Variants in GDAP2 observed in about 807,000 individuals in gnomAD.
GDAP2 encodes the protein ganglioside induced differentiation associated protein 2.
Under a neutral mutation model 67.0 loss-of-function variants are expected in GDAP2, and 51 were observed. That is an observed-to-expected ratio of 0.76 (90% CI 0.61 to 0.96). The LOEUF (loss-of-function observed/expected upper bound fraction) is 0.96, where lower values mean the gene tolerates loss of function less well. GDAP2 is among the 40% of genes least tolerant of loss of function. The pLI is 0.00. For synonymous variants in GDAP2, 203 were observed against 207.3 expected, an observed-to-expected ratio of 0.98 and a Z score of 0.18; for missense variants, 547 against 588.3, an observed-to-expected ratio of 0.93 and a Z score of 0.73.
chr1:117,871,812 C>A (rs1377436649), intron 13 of GDAP2, among the ~76,000 whole-genome samples: 1 of 151,862 alleles, frequency 6.6e-6, no homozygotes. Context: ...ACTTGAAAAA[C>A]CTTAATAAAA....
Position 117,866,934 on chromosome 1 carries a change from T to C in GDAP2, c.*3635A>G, listed in dbSNP as rs182665514. 2.6e-5 allele frequency: 4 copies of C among 152,012 alleles called. No homozygotes were observed. In the East Asian group the frequency reaches 7.7e-4, roughly 29 times the overall value. 9.4% of individuals were successfully genotyped at this position (152,012 alleles called of 1,614,324 possible). A position where few individuals can be genotyped will look rare whatever the true frequency, so the allele number is the denominator to read the frequency against. On this transcript the variant is annotated 3_prime_UTR_variant, in exon 14 of 14. Transcript: ENST00000369443. ...CAGTTTTCAAGGTGTTTTTATATTA[T>C]CCTGCAGTTCTTTTGGTCCTTAATA...
At chr1:117,922,619 A>C (rs1354863363) in intron 1 of GDAP2, among the ~76,000 whole-genome samples, 4 of 152,224 alleles carry the variant, frequency 2.6e-5, no homozygotes, top group African/African-American at 4.8e-5. Context: ...GGCAGGTTCC[A>C]TGATGCCCCC....
At chr1:117,894,342 T>G (rs1242012586) in intron 8 of GDAP2, among the ~76,000 whole-genome samples, 1 of 152,126 alleles carries the variant, frequency 6.6e-6, no homozygotes, top group African/African-American at 2.4e-5. Context: ...GCTGTAAGTT[T>G]AAAACTATTT....
At chr1:117,870,677 G>GA (rs1557792042) in intron 13 of GDAP2, 61 bp from the exon 14 acceptor site, 4 of 1,086,948 alleles carry the variant, frequency 3.7e-6, no homozygotes, top group East Asian at 2.4e-5. Context: ...CTGGAAATGT[G>GA]AAAAAAAGGG....
chr1:117,879,804 G>A (rs1406912930), intron 12 of GDAP2, among the ~76,000 whole-genome samples: 1 of 152,050 alleles, frequency 6.6e-6, no homozygotes, highest in Non-Finnish European at 1.5e-5. Flanking sequence ...ATTTTGGAGG[G>A]TCACTGAAGA....
In GDAP2 at chr1:117,867,455, G is replaced by A. The variant is rs534151994; in HGVS notation, c.*3114C>T. 1.3e-5 allele frequency: 2 copies of A among 150,394 alleles called. No individual in the cohort carries two copies. Among genetic ancestry groups the A allele is most frequent in the Admixed American group, 6.7e-5 (1 of 14,974 alleles). 9.3% of individuals were successfully genotyped at this position (150,394 alleles called of 1,614,324 possible). On this transcript the variant is annotated 3_prime_UTR_variant, in exon 14 of 14. Transcript: ENST00000369443. ...GGTAAGCCCAACACTTTGGGAGGCC[G>A]AGGCAGGAAGATCACTTGAGGTCAG...
At chr1:117,923,841 A>C (rs1270025603) in intron 1 of GDAP2, among the ~76,000 whole-genome samples, 1 of 152,230 alleles carries the variant, frequency 6.6e-6, no homozygotes, top group Non-Finnish European at 1.5e-5. Flanking sequence ...CATCCCTAGA[A>C]ACCATAGTTT....
Position 117,896,971 on chromosome 1 carries a change from T to A in GDAP2, c.815A>T (p.Asp272Val), listed in dbSNP as rs763581507. The A allele has an allele frequency of 6.2e-7, 1 of 1,606,316 alleles. No individual in the cohort carries two copies. Among genetic ancestry groups the A allele is most frequent in the South Asian group, 1.1e-5 (1 of 89,752 alleles). ...GAPEDNQEEE[D>V]EGLGVDLSFI... ...AGAGAGATCAACTCCCAAGCCTTCA[T>A]CCTCCTCTTCTTGGTTATCTGTAAC... is the stretch of plus-strand genomic sequence containing the variant. Residue 272 changes from aspartate (D) to valine (V), a missense_variant, in exon 8 of 14, where the codon GAT (aspartate) becomes GTT (valine). Asp to Val is a radical substitution (Grantham distance 152). Coordinates refer to ENST00000369443, the MANE Select transcript of GDAP2 (RefSeq NM_017686.4).
intron 5 of GDAP2, among the ~76,000 whole-genome samples, chr1:117,908,694 G>A (rs901660279): frequency 2.0e-5 from 3 of 151,924 alleles, no homozygotes; most frequent in Admixed American, 1.3e-4. Context: ...GTATGGTGAC[G>A]CATGCCTGTA....
At position 117,886,634 on chromosome 1, in the gene GDAP2, T is replaced by C. The variant is rs879123688; in HGVS notation, c.1050A>G (p.Arg350=). The C allele has an allele frequency of 1.9e-6, 3 of 1,581,674 alleles. 1 individual carries two copies. The Admixed American group carries it at 5.0e-5, about 26-fold the overall frequency. Residue 350 remains arginine, a synonymous_variant, in exon 10 of 14, where the codon CGA becomes CGG. Transcript: ENST00000369443. ...TTCTTCCAACTACCACCATCACTGT[T>C]CGACCACAGTTATCAACACCTATAA... ...LYQTGVDNCG[R]TVMVVVGRNI...
intron 6 of GDAP2, among the ~76,000 whole-genome samples, chr1:117,901,567 G>A (rs1460125426): frequency 1.3e-5 from 2 of 152,210 alleles, no homozygotes; most frequent in Non-Finnish European, 1.5e-5. Context: ...ATGTTAGTGG[G>A]TGTGAAGTGG....
Position 117,864,246 on chromosome 1 carries a change from T to C in GDAP2, c.*6323A>G, listed in dbSNP as rs903702595. ...ATATTGGCAGAACCATCTCAGTGCT[T>C]AGGTTTGTATTTGTATTGACTTCCC... is the stretch of plus-strand genomic sequence containing the variant. On this transcript the variant is annotated 3_prime_UTR_variant, in exon 14 of 14. Transcript: ENST00000369443. The C allele has an allele frequency of 6.6e-6, 1 of 152,228 alleles. No homozygotes were observed. The highest frequency in any genetic ancestry group is 1.9e-4 in the East Asian group (1 of 5,204). 9.4% of individuals were successfully genotyped at this position (152,228 alleles called of 1,614,324 possible).
chr1:117,918,450 A>G, intron 3 of GDAP2, 147 bp downstream of exon 3: 1 of 607,908 alleles, frequency 1.6e-6, no homozygotes, highest in Non-Finnish European at 2.9e-6. Context: ...GTTAAAATGG[A>G]GCTTTCAAAA....
In GDAP2 at chr1:117,866,404, C is replaced by T. The variant is rs1648061879; in HGVS notation, c.*4165G>A. The T allele has an allele frequency of 6.6e-6, 1 of 152,160 alleles. No individual in the cohort carries two copies. The highest frequency in any genetic ancestry group is 2.4e-5 in the African/African-American group (1 of 41,428). The allele number at this position is 152,160 out of a possible 1,614,324, so 9.4% of individuals were successfully genotyped here. ...GTTACGCCACCCAGTTTACGGTATT[C>T]ACCCAAAATGACTAAGGTAAGGTAA... On this transcript the variant is annotated 3_prime_UTR_variant, in exon 14 of 14. Transcript: ENST00000369443.
Position 117,911,969 on chromosome 1 carries a change from G to A in GDAP2, c.559+25C>T, listed in dbSNP as rs182375270. ...AAAAAATTTTTAAGATTCAATTCAT[G>A]TACAGCATCTCTGATATTACTTACG... is the stretch of plus-strand genomic sequence containing the variant. On this transcript the variant is annotated intron_variant, in intron 5 of 13. Transcript: ENST00000369443. 2.1e-5 allele frequency: 28 copies of A among 1,304,252 alleles called. No homozygotes were observed. The East Asian group carries it at 3.2e-4, about 15-fold the overall frequency. 80.8% of individuals were successfully genotyped at this position (1,304,252 alleles called of 1,614,324 possible).
At chr1:117,884,033 G>A (rs1013146016) in intron 10 of GDAP2, among the ~76,000 whole-genome samples, 2 of 152,052 alleles carry the variant, frequency 1.3e-5, no homozygotes, top group Admixed American at 1.3e-4. Flanking sequence ...TGAAGTTTCC[G>A]CTTGAATTCA....
intron 3 of GDAP2, among the ~76,000 whole-genome samples, chr1:117,916,408 T>C (rs1438745322): frequency 6.6e-6 from 1 of 152,144 alleles, no homozygotes; most frequent in Non-Finnish European, 1.5e-5. Context: ...AGTAAGATCT[T>C]GCAAGGACAT....
In GDAP2 at chr1:117,870,611, G is replaced by A. The variant is rs779487123; in HGVS notation, c.1452C>T (p.Asn484=). 3.4e-5 allele frequency: 55 copies of A among 1,595,284 alleles called. No homozygotes were observed. Among genetic ancestry groups the A allele is most frequent in the East Asian group, 1.8e-4 (8 of 44,764 alleles). Residue 484 remains asparagine (N), a synonymous_variant, in exon 14 of 14, where the codon AAC becomes AAT. Coordinates refer to ENST00000369443, the MANE Select transcript of GDAP2 (RefSeq NM_017686.4). ...PFVLEYDARE[N]GPYYTSYPPS... ...GGGGATATGATGTATAGTAAGGCCCGTTTTCCTGTGGAAAGAAAAAAGGAG... is the reference window on the plus strand; with the variant it reads ...GGGGATATGATGTATAGTAAGGCCCATTTTCCTGTGGAAAGAAAAAAGGAG...
chr1:117,921,921 G>A (rs2101168935), intron 1 of GDAP2, among the ~76,000 whole-genome samples: 1 of 152,194 alleles, frequency 6.6e-6, no homozygotes, highest in East Asian at 1.9e-4. Context: ...TAGACAGTAG[G>A]GAGAAAGAGC....
Sources: allele counts gnomAD v4.1 joint callset (sites outside exome capture counted in the v4.1 genomes callset), GRCh38; gene constraint gnomAD v4.1.1; transcripts MANE v1.5; gene names NCBI Gene and HGNC (gene_info 2026-07-23, HGNC 2026-07-21).